The following RELL1 variants were observed in gnomAD, a reference collection of about 807,000 sequenced individuals.
The protein encoded by RELL1 is RELT-like protein 1.
RELL1 carries 10 observed loss-of-function variants against 23.0 expected under a neutral mutation model. The ratio of observed to expected loss-of-function variants is 0.43; its 90% CI spans 0.27 to 0.74. The LOEUF (loss-of-function observed/expected upper bound fraction) is 0.74. Ranked by LOEUF, RELL1 falls within the 30% of genes least tolerant of loss-of-function variation. RELL1 has a pLI of 0.19. For missense variants in RELL1, 315 were observed against 364.4 expected (o/e 0.86, Z 1.10); for synonymous variants, 146 against 146.8 (o/e 0.99, Z 0.04).
At chr4:37,586,777 G>A (rs139060645), downstream of RELL1, among the ~76,000 whole-genome samples, 15 of 152,252 alleles carry the variant, frequency 9.9e-5, no homozygotes, top group East Asian at 2.9e-3. Flanking sequence ...GGGCGTGTTG[G>A]CAGGCACCTG....
chr4:37,670,041 AT>A (rs1721774410), intron 1 of RELL1, among the ~76,000 whole-genome samples: 2 of 149,996 alleles, frequency 1.3e-5, no homozygotes, highest in South Asian at 2.1e-4. Flanking sequence ...CAATAAAAAA[AT>A]AAATAAATAA....
chr4:37,668,236 C>CT (rs1480660201), intron 1 of RELL1, among the ~76,000 whole-genome samples: 14 of 150,170 alleles, frequency 9.3e-5, no homozygotes, highest in Non-Finnish European at 1.8e-4. Flanking sequence ...CTCCCTCTCC[C>CT]CTCTTTCCAC....
rs558618636 is a variant in RELL1 at position 37,673,817 on chromosome 4, C to A, written c.88+12383G>T. On this transcript the variant is annotated intron_variant, in intron 1 of 6. Transcript: ENST00000454158. Reference sequence around the variant, plus strand: ...ATGGGGGCCTCTTGTTGTCCCCTATCCTCCGCAACTACACAGTAAAGTGCA... The same window carrying A: ...ATGGGGGCCTCTTGTTGTCCCCTATACTCCGCAACTACACAGTAAAGTGCA... 5.3e-5 allele frequency among the ~76,000 whole-genome samples: 8 copies of A among 152,276 alleles called. No homozygotes were observed. In the East Asian group the frequency reaches 1.4e-3, roughly 26 times the overall value.
At chr4:37,675,752 C>A (rs540110134) in intron 1 of RELL1, among the ~76,000 whole-genome samples, 1 of 152,296 alleles carries the variant, frequency 6.6e-6, no homozygotes, top group South Asian at 2.1e-4. Context: ...AGGATACATA[C>A]AGCCCCAAGA....
intron 6 of RELL1, among the ~76,000 whole-genome samples, chr4:37,621,459 A>AAAT (rs1256828048): frequency 6.6e-6 from 1 of 152,020 alleles, no homozygotes; most frequent in African/African-American, 2.4e-5. Flanking sequence ...CCATCTCAAA[A>AAAT]AATAATAATA....
intron 1 of RELL1, among the ~76,000 whole-genome samples, chr4:37,676,950 T>C (rs1332164248): frequency 3.3e-5 from 5 of 152,070 alleles, no homozygotes; most frequent in Non-Finnish European, 4.4e-5. Flanking sequence ...TCACCAAACC[T>C]AAAGGTCTGC....
chr4:37,593,869 C>G (rs1476698789), intron 6 of RELL1, among the ~76,000 whole-genome samples: 2 of 152,150 alleles, frequency 1.3e-5, no homozygotes, highest in Non-Finnish European at 2.9e-5. Context: ...ACCGCTGCTC[C>G]AACTTCCCAT....
intron 6 of RELL1, 38 bp downstream of exon 6, chr4:37,631,347 A>T: frequency 1.3e-6 from 2 of 1,591,606 alleles, no homozygotes; most frequent in Non-Finnish European, 1.7e-6. Context: ...CTCACCCTGC[A>T]CCACTCTGCC....
intron 1 of RELL1, among the ~76,000 whole-genome samples, chr4:37,681,532 T>G (rs1429547765): frequency 7.1e-6 from 1 of 140,046 alleles, no homozygotes; most frequent in African/African-American, 2.7e-5. Flanking sequence ...TTTTTTTTTT[T>G]TTTTTTTTTT....
At chr4:37,616,897 T>C (rs1397867387) in intron 6 of RELL1, among the ~76,000 whole-genome samples, 1 of 152,246 alleles carries the variant, frequency 6.6e-6, no homozygotes, top group East Asian at 1.9e-4. Context: ...GGTCCTGCAA[T>C]GGTACTGCCT....
intron 6 of RELL1, among the ~76,000 whole-genome samples, chr4:37,600,006 AC>A: frequency 6.6e-6 from 1 of 152,374 alleles, no homozygotes; most frequent in Admixed American, 6.5e-5. Flanking sequence ...ACAGTGGCTC[AC>A]GCCTGTAAAC....
At chr4:37,621,968 A>G (rs1719783474) in intron 6 of RELL1, among the ~76,000 whole-genome samples, 3 of 152,228 alleles carry the variant, frequency 2.0e-5, no homozygotes, top group Non-Finnish European at 4.4e-5. Flanking sequence ...ACAGTAAAGC[A>G]TGTTTTTAGG....
chr4:37,600,676 T>G (rs1449020424), intron 6 of RELL1, among the ~76,000 whole-genome samples: 1 of 152,150 alleles, frequency 6.6e-6, no homozygotes. Context: ...TAAAATAAAA[T>G]GCATTTTTAA....
At chr4:37,680,925 C>T (rs1425952438) in intron 1 of RELL1, among the ~76,000 whole-genome samples, 5 of 124,720 alleles carry the variant, frequency 4.0e-5, no homozygotes, top group Admixed American at 2.5e-4. Flanking sequence ...GAGCAACACT[C>T]CATCTCAAAA....
In RELL1 at chr4:37,612,043, G is replaced by C. The variant is rs937338985; in HGVS notation, c.*1303C>G. Among the ~76,000 whole-genome samples, 1 of 151,964 alleles carries C rather than the reference G, an allele frequency of 6.6e-6. No homozygotes were observed. The highest frequency in any genetic ancestry group is 2.4e-5 in the African/African-American group (1 of 41,386). On this transcript the variant is annotated 3_prime_UTR_variant, in exon 7 of 7. Coordinates refer to ENST00000454158, the MANE Select transcript of RELL1 (RefSeq NM_001085400.2). ...ACAAAAAAAATAAGCCAAGCGTGGT[G>C]GTGGGCACCTGTAGTCCCAGCTACT...
chr4:37,679,312 G>T (rs1365108508), intron 1 of RELL1, among the ~76,000 whole-genome samples: 1 of 152,068 alleles, frequency 6.6e-6, no homozygotes, highest in Admixed American at 6.6e-5. Context: ...TTTTTTGGGG[G>T]TACCCTTATT....
At chr4:37,618,118 T>A (rs1004039930) in intron 6 of RELL1, among the ~76,000 whole-genome samples, 6 of 152,338 alleles carry the variant, frequency 3.9e-5, no homozygotes, top group Admixed American at 3.9e-4. Flanking sequence ...ATATCATTTT[T>A]AAACACAACT....
At chr4:37,614,939 C>A (rs1719527507) in intron 6 of RELL1, among the ~76,000 whole-genome samples, 1 of 151,960 alleles carries the variant, frequency 6.6e-6, no homozygotes, top group African/African-American at 2.4e-5. Flanking sequence ...CAGATTTGAC[C>A]GGCTTTAAGA....
intron 6 of RELL1, among the ~76,000 whole-genome samples, chr4:37,617,816 T>C (rs1254012143): frequency 6.6e-6 from 1 of 152,180 alleles, no homozygotes; most frequent in African/African-American, 2.4e-5. Context: ...AGTAACTCAA[T>C]TTTAAAATTA....
Sources: gnomAD v4.1 joint callset for allele counts (sites outside exome capture counted in the v4.1 genomes callset) on GRCh38, gnomAD v4.1.1 for gene constraint, MANE v1.5 for transcripts, NCBI Gene and HGNC (gene_info 2026-07-23, HGNC 2026-07-21) for gene names.